Variants in DYNC1I2 observed in about 807,000 individuals in gnomAD.
DYNC1I2 encodes dynein cytoplasmic 1 intermediate chain 2, also known as cytoplasmic dynein 1 intermediate chain 2.
A neutral mutation model predicts 88.6 loss-of-function variants in DYNC1I2; 53 were observed. The observed-to-expected ratio is 0.60, with a 90% CI of 0.48 to 0.75. The LOEUF is 0.75. Ranked by LOEUF, DYNC1I2 falls within the 30% of genes least tolerant of loss-of-function variation. The probability of loss-of-function intolerance (pLI) is 0.00; values close to 1 mark genes in which losing one functional copy is unlikely to be tolerated. For synonymous variants in DYNC1I2, 198 were observed against 254.6 expected, an observed-to-expected ratio of 0.78 and a Z score of 2.12; for missense variants, 458 against 766.6, an observed-to-expected ratio of 0.60 and a Z score of 4.75.
rs951750138 is a variant in DYNC1I2, at chr2:171,749,543, A to G, written c.*1654A>G. Among the ~76,000 whole-genome samples, 27 of 152,148 alleles carry G rather than the reference A, an allele frequency of 1.8e-4. No homozygotes were observed. Among genetic ancestry groups the G allele is most frequent in the Non-Finnish European group, 5.9e-5 (4 of 67,988 alleles). On this transcript the variant is annotated 3_prime_UTR_variant, in exon 18 of 18. Transcript: ENST00000397119. ...TACTCACTACTCATGTAGTTACTGT[A>G]TCTTTACCTTCAGTTTGTAAAAATG...
intron 3 of DYNC1I2, among the ~76,000 whole-genome samples, chr2:171,701,743 G>A (rs1686273791): frequency 6.6e-6 from 1 of 152,102 alleles, no homozygotes; most frequent in South Asian, 2.1e-4. Context: ...ATAAGACAGT[G>A]GGGAAGGTAG....
At chr2:171,712,492 A>G (rs937382231) in intron 5 of DYNC1I2, 11 of 330,766 alleles carry the variant, frequency 3.3e-5, no homozygotes, top group African/African-American at 2.3e-4. Flanking sequence ...ATTATACAAT[A>G]TTAGTTTCCC....
intron 5 of DYNC1I2, among the ~76,000 whole-genome samples, chr2:171,710,715 T>C (rs312921): frequency 0.28 from 42,488 of 149,422 alleles, 6,154 homozygotes; most frequent in African/African-American, 0.37. Flanking sequence ...TTTTTTTTTC[T>C]TTTTTGAGTC....
chr2:171,695,203 G>A (rs575956920), intron 3 of DYNC1I2, among the ~76,000 whole-genome samples: 3 of 151,956 alleles, frequency 2.0e-5, no homozygotes, highest in South Asian at 2.1e-4. Context: ...GAGTTTAAGC[G>A]ATTCTCCTGC....
intron 15 of DYNC1I2, among the ~76,000 whole-genome samples, chr2:171,737,293 G>A (rs866871426): frequency 1.3e-5 from 2 of 152,062 alleles, no homozygotes; most frequent in South Asian, 4.1e-4. Context: ...AATTCAATAT[G>A]ACCTCATCTT....
chr2:171,729,113 G>A (rs1688439354), intron 14 of DYNC1I2, among the ~76,000 whole-genome samples: 1 of 152,164 alleles, frequency 6.6e-6, no homozygotes, highest in South Asian at 2.1e-4. Context: ...GGAACATTCA[G>A]TAGTTACAAA....
At chr2:171,724,993 CAATAGATA>C (rs1688142145) in intron 7 of DYNC1I2, among the ~76,000 whole-genome samples, 3 of 152,106 alleles carry the variant, frequency 2.0e-5, no homozygotes, top group African/African-American at 7.2e-5. Flanking sequence ...CATCATGTAA[CAATAGATA>C]ATGAGACTTG....
At chr2:171,709,203 T>A (rs1363746929) in intron 5 of DYNC1I2, among the ~76,000 whole-genome samples, 1 of 152,208 alleles carries the variant, frequency 6.6e-6, no homozygotes, top group East Asian at 1.9e-4. Flanking sequence ...GAATAGTAGA[T>A]TATTTTAATT....
intron 3 of DYNC1I2, among the ~76,000 whole-genome samples, chr2:171,700,780 C>T (rs566044608): frequency 2.6e-5 from 4 of 152,132 alleles, no homozygotes; most frequent in South Asian, 2.1e-4. Flanking sequence ...TACAGGCGCC[C>T]GCCACCACGC....
chr2:171,732,232 G>A (rs762720100), intron 15 of DYNC1I2, among the ~76,000 whole-genome samples: 7 of 152,126 alleles, frequency 4.6e-5, no homozygotes, highest in Admixed American at 3.3e-4. Context: ...GCATGGTAGC[G>A]GGCACCTGTA....
chr2:171,721,673 CT>C (rs1356134685), intron 7 of DYNC1I2, among the ~76,000 whole-genome samples: 1 of 152,138 alleles, frequency 6.6e-6, no homozygotes, highest in African/African-American at 2.4e-5. Context: ...AATGTCCTGA[CT>C]TTTAGAACTC....
At chr2:171,691,459 C>G (rs932509664) in intron 2 of DYNC1I2, among the ~76,000 whole-genome samples, 1 of 152,064 alleles carries the variant, frequency 6.6e-6, no homozygotes, top group Non-Finnish European at 1.5e-5. Flanking sequence ...CCAAGACTGC[C>G]AGAAATCTCT....
chr2:171,707,409 A>G, intron 5 of DYNC1I2, 32 bp downstream of exon 5: 1 of 1,593,278 alleles, frequency 6.3e-7, no homozygotes, highest in Non-Finnish European at 8.5e-7. Context: ...TGTTTTAATG[A>G]TAGAATGCAT....
At chr2:171,732,309 G>A (rs925498345) in intron 15 of DYNC1I2, among the ~76,000 whole-genome samples, 4 of 152,206 alleles carry the variant, frequency 2.6e-5, no homozygotes, top group Non-Finnish European at 4.4e-5. Context: ...GCAGCAAGCC[G>A]AGATTGTGCC....
rs1255674877 is a variant in DYNC1I2, at chr2:171,748,599, A to G, written c.*710A>G. ...CCCAGTGCATTATGAATTGATGTCT[A>G]GATAATCTGTTGGTGAAAAAATTTC... On this transcript the variant is annotated 3_prime_UTR_variant, in exon 18 of 18. Transcript: ENST00000397119. Among the ~76,000 whole-genome samples the G allele has an allele frequency of 6.6e-6, 1 of 152,186 alleles. No homozygotes were observed. Among genetic ancestry groups the G allele is most frequent in the African/African-American group, 2.4e-5 (1 of 41,450 alleles).
intron 16 of DYNC1I2, 117 bp downstream of exon 16, chr2:171,744,306 C>A: frequency 9.1e-7 from 1 of 1,095,180 alleles, no homozygotes. Context: ...ATTGTAGATT[C>A]ATCACAAAGA....
At chr2:171,691,143 T>C (rs1685377119) in intron 2 of DYNC1I2, among the ~76,000 whole-genome samples, 1 of 152,244 alleles carries the variant, frequency 6.6e-6, no homozygotes, top group Non-Finnish European at 1.5e-5. Flanking sequence ...TTATCTCTTA[T>C]GAGTTAGTCA....
chr2:171,688,183 T>A (rs1425053142), intron 1 of DYNC1I2: 2 of 152,260 alleles, frequency 1.3e-5, no homozygotes, highest in African/African-American at 4.8e-5. Context: ...CGTTTTCGCC[T>A]TGCCCCATTT....
At chr2:171,700,770 T>A (rs1686193956) in intron 3 of DYNC1I2, among the ~76,000 whole-genome samples, 1 of 152,166 alleles carries the variant, frequency 6.6e-6, no homozygotes, top group South Asian at 2.1e-4. Flanking sequence ...TAGCTGGGAC[T>A]ACAGGCGCCC....
Sources: allele counts gnomAD v4.1 joint callset (sites outside exome capture counted in the v4.1 genomes callset), GRCh38; gene constraint gnomAD v4.1.1; transcripts MANE v1.5; gene names NCBI Gene and HGNC (gene_info 2026-07-23, HGNC 2026-07-21).